Variants in DPP10 observed in about 807,000 individuals in gnomAD.
DPP10 encodes dipeptidyl peptidase like 10, also known as inactive dipeptidyl peptidase 10.
A neutral mutation model predicts 120.9 loss-of-function variants in DPP10; 33 were observed. The ratio of observed to expected loss-of-function variants is 0.27; its 90% confidence interval spans 0.21 to 0.37. The LOEUF (loss-of-function observed/expected upper bound fraction) is 0.37. Among genes scored for constraint, DPP10 ranks in the 10% least tolerant of loss-of-function variants. The pLI is 1.00. For synonymous variants in DPP10, 337 were observed against 326.1 expected, an observed-to-expected ratio of 1.03 and a Z score of -0.36; for missense variants, 816 against 942.8, an observed-to-expected ratio of 0.87 and a Z score of 1.76.
chr2:114,878,078 GAAGA>G (rs1418678900), intron 1 of DPP10, among the ~76,000 whole-genome samples: 2 of 151,944 alleles, frequency 1.3e-5, no homozygotes, highest in African/African-American at 4.8e-5. Context: ...AACAAGAAAA[GAAGA>G]AATAAAAGCC....
intron 1 of DPP10, among the ~76,000 whole-genome samples, chr2:114,519,122 T>C (rs1684843005): frequency 6.6e-6 from 1 of 152,242 alleles, no homozygotes; most frequent in Admixed American, 6.5e-5. Flanking sequence ...AGGAATTGTT[T>C]CCTTAGCGAA....
At chr2:114,852,130 A>G (rs1277877777) in intron 1 of DPP10, among the ~76,000 whole-genome samples, 1 of 109,450 alleles carries the variant, frequency 9.1e-6, no homozygotes, top group Non-Finnish European at 1.9e-5. Flanking sequence ...TTTTTTGGGA[A>G]ATTTTTATAG....
At chr2:115,812,850 A>C (rs1359374928) in intron 19 of DPP10, among the ~76,000 whole-genome samples, 1 of 152,066 alleles carries the variant, frequency 6.6e-6, no homozygotes, top group East Asian at 1.9e-4. Context: ...AAGATTTACT[A>C]AACTTTGGAA....
intron 1 of DPP10, among the ~76,000 whole-genome samples, chr2:114,753,255 C>T (rs1679399039): frequency 6.6e-6 from 1 of 152,150 alleles, no homozygotes; most frequent in Admixed American, 6.5e-5. Context: ...GCCCTCCTCC[C>T]AAAGAAACTA....
At chr2:115,696,717 T>A (rs1301748874) in intron 7 of DPP10, among the ~76,000 whole-genome samples, 2 of 152,210 alleles carry the variant, frequency 1.3e-5, no homozygotes, top group African/African-American at 4.8e-5. Flanking sequence ...TAGAAATGTA[T>A]GTTATTGTTA....
intron 1 of DPP10, among the ~76,000 whole-genome samples, chr2:114,811,403 T>G (rs1364300968): frequency 1.3e-5 from 2 of 152,038 alleles, no homozygotes; most frequent in Non-Finnish European, 2.9e-5. Flanking sequence ...CCATACCTTC[T>G]TTGCCACCAA....
At chr2:115,459,554 G>T (rs767108085) in intron 3 of DPP10, among the ~76,000 whole-genome samples, 2 of 151,872 alleles carry the variant, frequency 1.3e-5, no homozygotes, top group Admixed American at 1.3e-4. Flanking sequence ...TTTTCATGCA[G>T]GCAATATTAG....
At chr2:115,583,513 A>G (rs1027794326) in intron 5 of DPP10, among the ~76,000 whole-genome samples, 1 of 152,134 alleles carries the variant, frequency 6.6e-6, no homozygotes. Context: ...GCCTGGGTTC[A>G]CCGGGGACTG....
At chr2:115,742,468 T>TA (rs962340688) in intron 9 of DPP10, among the ~76,000 whole-genome samples, 2 of 152,104 alleles carry the variant, frequency 1.3e-5, no homozygotes, top group African/African-American at 4.8e-5. Context: ...TTATTAGAAG[T>TA]AAAAAACATA....
intron 1 of DPP10, among the ~76,000 whole-genome samples, chr2:115,151,413 A>AT (rs1559150300): frequency 1.2e-4 from 16 of 132,002 alleles, no homozygotes; most frequent in Admixed American, 4.0e-4. Context: ...ACTTTCTTAT[A>AT]CTTTTTTTTT....
chr2:114,765,729 G>A (rs1251752642), intron 1 of DPP10, among the ~76,000 whole-genome samples: 1 of 152,114 alleles, frequency 6.6e-6, no homozygotes, highest in African/African-American at 2.4e-5. Flanking sequence ...GCTTACTGTG[G>A]TGCATTTATT....
intron 5 of DPP10, among the ~76,000 whole-genome samples, chr2:115,597,987 C>G (rs2083090081): frequency 6.6e-6 from 1 of 151,866 alleles, no homozygotes; most frequent in Non-Finnish European, 1.5e-5. Flanking sequence ...TTGTGACTTC[C>G]TCTCCCTTTT....
intron 12 of DPP10, among the ~76,000 whole-genome samples, chr2:115,764,772 C>G (rs921592973): frequency 1.3e-5 from 2 of 151,982 alleles, no homozygotes; most frequent in Admixed American, 1.3e-4. Flanking sequence ...TCTTCAGATG[C>G]TCTAAGGGAA....
chr2:115,777,759 T>C (rs757475873), intron 14 of DPP10, 28 bp from the exon 15 acceptor site: 1 of 1,612,088 alleles, frequency 6.2e-7, no homozygotes, highest in Non-Finnish European at 8.5e-7. Context: ...CTGTGTCTAA[T>C]GCTTGTGTTG....
chr2:115,029,779 C>T (rs1430782592), intron 1 of DPP10, among the ~76,000 whole-genome samples: 1 of 152,118 alleles, frequency 6.6e-6, no homozygotes, highest in Non-Finnish European at 1.5e-5. Flanking sequence ...CCAGTTTGAT[C>T]TCTTTGCATC....
At chr2:115,057,618 G>A (rs187721740) in intron 1 of DPP10, among the ~76,000 whole-genome samples, 462 of 152,218 alleles carry the variant, frequency 3.0e-3, no homozygotes, top group Non-Finnish European at 4.2e-3. Flanking sequence ...CTTTTGCTTC[G>A]TTTTTTGTAA....
chr2:115,141,920 C>T (rs749827185), intron 1 of DPP10, among the ~76,000 whole-genome samples: 4 of 151,996 alleles, frequency 2.6e-5, no homozygotes, highest in East Asian at 1.9e-4. Flanking sequence ...ACTACAGGTG[C>T]GCGCCACTAT....
intron 1 of DPP10, among the ~76,000 whole-genome samples, chr2:115,210,894 C>T (rs932402426): frequency 6.6e-6 from 1 of 151,982 alleles, no homozygotes; most frequent in African/African-American, 2.4e-5. Flanking sequence ...TGTGCGTCCT[C>T]TTCTCTATTA....
chr2:115,638,307 G>A (rs535847797), intron 5 of DPP10, among the ~76,000 whole-genome samples: 2 of 152,290 alleles, frequency 1.3e-5, no homozygotes, highest in Admixed American at 1.3e-4. Context: ...AGTATTATAT[G>A]TGATTGCAGT....
Sources: allele counts gnomAD v4.1 joint callset (sites outside exome capture counted in the v4.1 genomes callset), GRCh38; gene constraint gnomAD v4.1.1; transcripts MANE v1.5; gene names NCBI Gene and HGNC (gene_info 2026-07-23, HGNC 2026-07-21).